The following NRG3 variants were observed in gnomAD, a reference collection of about 807,000 sequenced individuals.
NRG3 encodes pro-neuregulin-3, membrane-bound isoform.
In NRG3, 31 loss-of-function variants were observed where a neutral mutation model predicts 66.9. That is an observed-to-expected ratio of 0.46 (90% CI 0.35 to 0.63). NRG3 has a LOEUF of 0.63. NRG3 is among the 20% of genes least tolerant of loss of function. The pLI, the probability that NRG3 is intolerant of heterozygous loss-of-function variation, is 0.00. For synonymous variants in NRG3, 393 were observed against 359.4 expected (o/e 1.09, Z -1.06); for missense variants, 910 against 878.9 (o/e 1.04, Z -0.45).
At chr10:81,935,876 A>AACAC (rs55670416) in intron 1 of NRG3, among the ~76,000 whole-genome samples, 6,161 of 132,380 alleles carry the variant, frequency 0.047, 155 homozygotes, top group Admixed American at 0.055. Flanking sequence ...TCAGTGCCTG[A>AACAC]ACACACACAC....
At chr10:82,589,959 G>C (rs1173030673) in intron 2 of NRG3, among the ~76,000 whole-genome samples, 1 of 152,178 alleles carries the variant, frequency 6.6e-6, no homozygotes, top group Admixed American at 6.5e-5. Context: ...CCCAGATGTA[G>C]TTATAGAACA....
intron 1 of NRG3, among the ~76,000 whole-genome samples, chr10:82,119,667 CA>C (rs1195192815): frequency 6.6e-6 from 1 of 151,834 alleles, no homozygotes; most frequent in Non-Finnish European, 1.5e-5. Context: ...ACATAGCTGC[CA>C]AAAAAGAACC....
intron 1 of NRG3, among the ~76,000 whole-genome samples, chr10:82,223,642 A>ACACACACAC (rs2076037746): frequency 2.2e-5 from 3 of 137,924 alleles, no homozygotes; most frequent in Non-Finnish European, 3.1e-5. Context: ...AACCACCCCA[A>ACACACACAC]ACACACACAC....
chr10:81,992,512 T>C (rs1489841932), intron 1 of NRG3, among the ~76,000 whole-genome samples: 19 of 152,214 alleles, frequency 1.2e-4, no homozygotes, highest in Non-Finnish European at 2.4e-4. Context: ...AAATAATGTG[T>C]TCTCTTAAGC....
intron 1 of NRG3, among the ~76,000 whole-genome samples, chr10:81,905,819 ATTGT>A (rs761672190): frequency 2.0e-5 from 3 of 152,152 alleles, no homozygotes; most frequent in Non-Finnish European, 4.4e-5. Context: ...CTACCCTGGT[ATTGT>A]TTGTGTTTTT....
intron 2 of NRG3, among the ~76,000 whole-genome samples, chr10:82,697,773 G>T (rs563079601): frequency 6.6e-6 from 1 of 152,096 alleles, no homozygotes; most frequent in Non-Finnish European, 1.5e-5. Context: ...TGGTAGCTGG[G>T]TAGGGGCAGG....
intron 2 of NRG3, among the ~76,000 whole-genome samples, chr10:82,646,927 A>G (rs2050978518): frequency 6.6e-6 from 1 of 151,732 alleles, no homozygotes; most frequent in South Asian, 2.1e-4. Context: ...AGAGAAAGAG[A>G]TAACTTTTTA....
chr10:82,568,908 T>G (rs1045178550), intron 2 of NRG3, among the ~76,000 whole-genome samples: 2 of 151,816 alleles, frequency 1.3e-5, no homozygotes, highest in African/African-American at 4.8e-5. Flanking sequence ...ATTGTTTTTC[T>G]CTACATCACT....
chr10:82,036,008 T>C (rs1245297837), intron 1 of NRG3, among the ~76,000 whole-genome samples: 1 of 152,106 alleles, frequency 6.6e-6, no homozygotes, highest in Non-Finnish European at 1.5e-5. Context: ...CTGTTTCACA[T>C]GTGTAAATAG....
intron 2 of NRG3, among the ~76,000 whole-genome samples, chr10:82,359,292 A>G (rs1284815024): frequency 6.6e-6 from 1 of 152,302 alleles, no homozygotes; most frequent in East Asian, 1.9e-4. Flanking sequence ...GTTTATTGTG[A>G]ACCAACCCCA....
intron 1 of NRG3, among the ~76,000 whole-genome samples, chr10:82,309,654 G>A (rs993748011): frequency 6.6e-6 from 1 of 152,062 alleles, no homozygotes; most frequent in Non-Finnish European, 1.5e-5. Flanking sequence ...CTGTATTGCA[G>A]GTTAGGGCCA....
intron 1 of NRG3, among the ~76,000 whole-genome samples, chr10:81,919,317 T>A (rs983527992): frequency 6.6e-6 from 1 of 152,166 alleles, no homozygotes; most frequent in Non-Finnish European, 1.5e-5. Context: ...TGGACATTGC[T>A]TCAAAACCGA....
chr10:82,161,272 C>G (rs1305190758), intron 1 of NRG3, among the ~76,000 whole-genome samples: 1 of 152,116 alleles, frequency 6.6e-6, no homozygotes, highest in Non-Finnish European at 1.5e-5. Flanking sequence ...TTATCAATCA[C>G]TAGTTTCATA....
At chr10:81,962,060 A>G (rs1437437808) in intron 1 of NRG3, among the ~76,000 whole-genome samples, 1 of 152,210 alleles carries the variant, frequency 6.6e-6, no homozygotes, top group Non-Finnish European at 1.5e-5. Flanking sequence ...AGTCAGTTTT[A>G]ACAGCCTGAT....
intron 1 of NRG3, among the ~76,000 whole-genome samples, chr10:82,304,873 G>A (rs2080623291): frequency 6.6e-6 from 1 of 152,006 alleles, no homozygotes. Context: ...TACTCAAGGG[G>A]AGGGATTATA....
intron 3 of NRG3, among the ~76,000 whole-genome samples, chr10:82,784,985 G>A (rs2060284639): frequency 6.6e-6 from 1 of 152,118 alleles, no homozygotes; most frequent in Non-Finnish European, 1.5e-5. Context: ...ACTGGATTAA[G>A]AAAATGTGGC....
intron 3 of NRG3, among the ~76,000 whole-genome samples, chr10:82,821,232 T>G (rs993515956): frequency 2.6e-5 from 4 of 152,004 alleles, no homozygotes; most frequent in African/African-American, 9.7e-5. Context: ...CCCCACAGAG[T>G]CACCTCCCCA....
chr10:82,711,768 A>C (rs117582024), intron 2 of NRG3, among the ~76,000 whole-genome samples: 107 of 152,134 alleles, frequency 7.0e-4, no homozygotes, highest in Admixed American at 1.8e-3. Flanking sequence ...CACCATCTTT[A>C]CTGCCATTCT....
At chr10:82,002,902 T>C (rs982965739) in intron 1 of NRG3, among the ~76,000 whole-genome samples, 3 of 152,328 alleles carry the variant, frequency 2.0e-5, no homozygotes, top group African/African-American at 7.2e-5. Context: ...TATGAATGTA[T>C]GTATGCTTGG....
Sources: gnomAD v4.1 joint callset for allele counts (sites outside exome capture counted in the v4.1 genomes callset) on GRCh38, gnomAD v4.1.1 for gene constraint, MANE v1.5 for transcripts, NCBI Gene and HGNC (gene_info 2026-07-23, HGNC 2026-07-21) for gene names.